The following SOX5 variants were observed in gnomAD, a reference collection of about 807,000 sequenced individuals.
The protein encoded by SOX5 is SRY-box transcription factor 5, also known as transcription factor SOX-5.
Under a neutral mutation model 92.0 loss-of-function variants are expected in SOX5, and 9 were observed. That is an observed-to-expected ratio of 0.10 (90% confidence interval 0.06 to 0.17). SOX5 has a LOEUF of 0.17. SOX5 is among the 10% of genes least tolerant of loss of function. SOX5 has a pLI of 1.00. For synonymous variants in SOX5, 344 were observed against 336.3 expected (o/e 1.02, Z -0.25); for missense variants, 642 against 944.5 (o/e 0.68, Z 4.20).
At chr12:23,889,580 T>C (rs2097107085) in intron 2 of SOX5, among the ~76,000 whole-genome samples, 1 of 152,150 alleles carries the variant, frequency 6.6e-6, no homozygotes, top group African/African-American at 2.4e-5. Context: ...TAAAAGCCTC[T>C]CTATCATGTG....
chr12:24,123,950 G>T (rs917868644), intron 4 of SOX5, among the ~76,000 whole-genome samples: 4 of 152,192 alleles, frequency 2.6e-5, no homozygotes, highest in African/African-American at 7.2e-5. Context: ...CATGCTAAAT[G>T]CAAGAGTCTC....
At chr12:23,775,519 A>G (rs2095070598) in intron 3 of SOX5, among the ~76,000 whole-genome samples, 1 of 152,242 alleles carries the variant, frequency 6.6e-6, no homozygotes, top group South Asian at 2.1e-4. Flanking sequence ...CATATAATGC[A>G]ATACCATTCT....
intron 9 of SOX5, among the ~76,000 whole-genome samples, chr12:23,577,057 C>T (rs1355909577): frequency 2.0e-5 from 3 of 149,912 alleles, no homozygotes; most frequent in Non-Finnish European, 3.0e-5. Flanking sequence ...AAATTTAATG[C>T]ACAGTCCTAC....
intron 1 of SOX5, among the ~76,000 whole-genome samples, chr12:24,427,085 C>A (rs564414288): frequency 8.5e-5 from 13 of 152,302 alleles, no homozygotes; most frequent in Admixed American, 7.2e-4. Context: ...GGGTTCAATT[C>A]ATCTTAATAT....
chr12:23,885,419 A>T, intron 2 of SOX5, among the ~76,000 whole-genome samples: 1 of 152,184 alleles, frequency 6.6e-6, no homozygotes, highest in East Asian at 1.9e-4. Context: ...TAGTTTAGAG[A>T]TATCGACAAA....
chr12:24,446,246 GA>G (rs1218952127), intron 1 of SOX5, among the ~76,000 whole-genome samples: 1 of 150,502 alleles, frequency 6.6e-6, no homozygotes, highest in Non-Finnish European at 1.5e-5. Context: ...TTGCTATAAA[GA>G]AAACAAAACA....
intron 4 of SOX5, among the ~76,000 whole-genome samples, chr12:24,166,511 C>G (rs555580677): frequency 2.5e-4 from 38 of 152,196 alleles, no homozygotes; most frequent in African/African-American, 8.4e-4. Flanking sequence ...ACAACTTTAG[C>G]CCCCCTAATT....
At chr12:24,246,700 T>C (rs1938819924) in intron 3 of SOX5, among the ~76,000 whole-genome samples, 1 of 152,180 alleles carries the variant, frequency 6.6e-6, no homozygotes, top group African/African-American at 2.4e-5. Context: ...AATCATCACA[T>C]TCTTTTTGGG....
chr12:23,909,354 A>G (rs530605954), intron 1 of SOX5, among the ~76,000 whole-genome samples: 1 of 152,182 alleles, frequency 6.6e-6, no homozygotes, highest in Non-Finnish European at 1.5e-5. Flanking sequence ...CTAGTTTTAG[A>G]TGGTAATATA....
At chr12:23,622,822 C>T (rs151212130) in intron 8 of SOX5, among the ~76,000 whole-genome samples, 1 of 152,098 alleles carries the variant, frequency 6.6e-6, no homozygotes, top group African/African-American at 2.4e-5. Context: ...ATTGTTAATG[C>T]CACAGAATAA....
At chr12:24,217,185 T>G (rs750064676) in intron 3 of SOX5, among the ~76,000 whole-genome samples, 4 of 152,214 alleles carry the variant, frequency 2.6e-5, no homozygotes, top group Non-Finnish European at 4.4e-5. Flanking sequence ...AAAGGGGTTC[T>G]TAGGAACTCC....
At chr12:24,490,336 T>C (rs1228238588) in intron 1 of SOX5, among the ~76,000 whole-genome samples, 2 of 152,212 alleles carry the variant, frequency 1.3e-5, no homozygotes, top group Non-Finnish European at 2.9e-5. Context: ...TTTCCCAAGA[T>C]TGTTCTCAAG....
rs754335078 is a variant in SOX5 at position 23,740,872 on chromosome 12, C to T, written c.736G>A (p.Glu246Lys). ...QQMELAKQQQ[E>K]QIARQQQQLL... is the part of the protein sequence containing the mutation. ...CATCGCTAGTTCTTACTCACTTGTT[C>T]TTGTTGCTGCTTGGCCAGCTCCATT... is the stretch of plus-strand genomic sequence containing the variant. Residue 246 changes from glutamate to lysine, a missense_variant, in exon 5 of 15, where the codon GAA (glutamate) becomes AAA (lysine). Physicochemically the swap from Glu to Lys is moderately conservative, Grantham distance 56. Around this residue, in one of 8 missense-constraint regions of SOX5, gnomAD observed 324 missense variants for 461.6 expected, o/e 0.70. Coordinates refer to ENST00000451604, the MANE Select transcript of SOX5 (RefSeq NM_006940.6). The T allele has an allele frequency of 6.2e-7, 1 of 1,609,474 alleles. No individual in the cohort carries two copies. Among genetic ancestry groups the T allele is most frequent in the Non-Finnish European group, 8.5e-7 (1 of 1,177,176 alleles).
intron 9 of SOX5, among the ~76,000 whole-genome samples, chr12:23,593,035 C>T (rs569198656): frequency 7.9e-5 from 12 of 152,084 alleles, no homozygotes; most frequent in East Asian, 1.9e-4. Context: ...GCCAAGATCG[C>T]GCCCCTGCAC....
chr12:23,556,301 G>T (rs1945160628), intron 11 of SOX5, among the ~76,000 whole-genome samples: 1 of 152,148 alleles, frequency 6.6e-6, no homozygotes, highest in African/African-American at 2.4e-5. Context: ...AATTTGCAGG[G>T]TAGAGAGACT....
chr12:23,862,975 T>C (rs1450897046), intron 2 of SOX5, among the ~76,000 whole-genome samples: 1 of 152,168 alleles, frequency 6.6e-6, no homozygotes, highest in Non-Finnish European at 1.5e-5. Flanking sequence ...GCAGGTCTGT[T>C]GGAAGAACTA....
intron 9 of SOX5, among the ~76,000 whole-genome samples, chr12:23,580,726 A>G (rs2136874072): frequency 6.6e-6 from 1 of 152,200 alleles, no homozygotes; most frequent in Admixed American, 6.5e-5. Flanking sequence ...TGTTCCATTT[A>G]CATAATTATA....
At chr12:24,345,502 A>T (rs1199555403) in intron 2 of SOX5, among the ~76,000 whole-genome samples, 1 of 152,200 alleles carries the variant, frequency 6.6e-6, no homozygotes, top group Non-Finnish European at 1.5e-5. Flanking sequence ...TGGATCTTCC[A>T]AACTATTTAA....
At position 24,038,486 on chromosome 12, in the gene SOX5, C is replaced by T. The variant is rs544362681; in HGVS notation, c.-1-142462G>A. 1.3e-4 allele frequency among the ~76,000 whole-genome samples: 20 copies of T among 152,248 alleles called. No homozygotes were observed. The South Asian group carries it at 4.1e-3, about 32-fold the overall frequency. Reference sequence around the variant, plus strand: ...TCCAAAAATCCTAAGGTGGGATCTTCGCTTTGTGAAGCAAATTAATTACAC... The same window carrying T: ...TCCAAAAATCCTAAGGTGGGATCTTTGCTTTGTGAAGCAAATTAATTACAC... On this transcript the variant is annotated intron_variant, in intron 4 of 4. Coordinates refer to the SOX5 transcript ENST00000446891.
Sources: gnomAD v4.1 joint callset for allele counts (sites outside exome capture counted in the v4.1 genomes callset) on GRCh38, gnomAD v4.1.1 for gene constraint, gnomAD v4.1.1 regional missense constraint, MANE v1.5 for transcripts, NCBI Gene and HGNC (gene_info 2026-07-23, HGNC 2026-07-21) for gene names.